FAM110B: variants seen among roughly 807,000 people sequenced by gnomAD.
The protein encoded by FAM110B is family with sequence similarity 110 member B.
A neutral mutation model predicts 20.4 loss-of-function variants in FAM110B; 6 were observed. The ratio of observed to expected loss-of-function variants is 0.29; its 90% CI spans 0.16 to 0.58. The LOEUF (loss-of-function observed/expected upper bound fraction) is 0.58, where lower values mean the gene tolerates loss of function less well. Among genes scored for constraint, FAM110B ranks in the 20% least tolerant of loss-of-function variants. The pLI is 0.90. For missense variants in FAM110B, 434 were observed against 498.2 expected (o/e 0.87, Z 1.23); for synonymous variants, 226 against 214.1 (o/e 1.06, Z -0.49).
At position 58,026,492 on chromosome 8, in the gene FAM110B, C is replaced by T. The variant is rs187288337; in HGVS notation, c.-511-5114C>T. 1.0e-3 allele frequency among the ~76,000 whole-genome samples: 155 copies of T among 152,042 alleles called. 1 individual carries two copies. Among genetic ancestry groups the T allele is most frequent in the Non-Finnish European group, 4.1e-4 (28 of 67,996 alleles). ...TGTTCTAGCTTAGCACATTTGGAAT[C>T]GTGATTCTATTGTATATCATTTTAG... On this transcript the variant is annotated intron_variant, in intron 1 of 3. Coordinates refer to ENST00000519262, the MANE Select transcript of FAM110B (RefSeq NM_001377989.1).
At chr8:58,137,378 G>T (rs1377283957) in intron 3 of FAM110B, among the ~76,000 whole-genome samples, 1 of 152,138 alleles carries the variant, frequency 6.6e-6, no homozygotes, top group Admixed American at 6.5e-5. Context: ...TGGCCAACAT[G>T]GTAAAACCCC....
chr8:58,070,372 G>A (rs1288297709), intron 2 of FAM110B: 1 of 152,210 alleles, frequency 6.6e-6, no homozygotes, highest in African/African-American at 2.4e-5. Context: ...GGTCAGTGAA[G>A]GAGGCTCAGT....
At chr8:58,006,151 T>G (rs146601096) in intron 1 of FAM110B, among the ~76,000 whole-genome samples, 1 of 152,374 alleles carries the variant, frequency 6.6e-6, no homozygotes, top group African/African-American at 2.4e-5. Context: ...AGTTTATGGT[T>G]GAAATAGTTG....
At chr8:58,052,952 A>G (rs1585845048) in intron 2 of FAM110B, among the ~76,000 whole-genome samples, 1 of 147,960 alleles carries the variant, frequency 6.8e-6, no homozygotes, top group East Asian at 2.0e-4. Flanking sequence ...CGCCCGGCTA[A>G]TTTTTTGTAT....
intron 1 of FAM110B, among the ~76,000 whole-genome samples, chr8:58,017,523 T>C (rs1804663991): frequency 6.6e-6 from 1 of 152,208 alleles, no homozygotes; most frequent in Non-Finnish European, 1.5e-5. Flanking sequence ...TGCTCTCAAC[T>C]TGAACTTGAC....
At chr8:58,083,864 A>C (rs577701894) in intron 3 of FAM110B, among the ~76,000 whole-genome samples, 114 of 152,302 alleles carry the variant, frequency 7.5e-4, no homozygotes, top group Non-Finnish European at 1.5e-3. Context: ...AAATCATCCT[A>C]AGAAGAACAG....
intron 3 of FAM110B, among the ~76,000 whole-genome samples, chr8:58,102,592 A>T (rs1806804518): frequency 6.6e-6 from 1 of 152,174 alleles, no homozygotes; most frequent in Admixed American, 6.5e-5. Context: ...TGTTGCGTAA[A>T]TGAATTGATT....
intron 3 of FAM110B, among the ~76,000 whole-genome samples, chr8:58,142,091 A>G (rs1460294735): frequency 2.0e-5 from 3 of 152,338 alleles, no homozygotes; most frequent in Middle Eastern, 6.8e-3. Context: ...GAAGTTAGAA[A>G]GGTTCAGGCC....
chr8:58,080,080 T>G (rs1162275286), intron 3 of FAM110B, among the ~76,000 whole-genome samples: 3 of 152,204 alleles, frequency 2.0e-5, no homozygotes, highest in Non-Finnish European at 4.4e-5. Flanking sequence ...ATATGTAATA[T>G]GGGTATCAGA....
Position 58,146,043 on chromosome 8 carries a change from A to G in FAM110B, c.-188A>G. 1.7e-6 allele frequency: 1 copy of G among 598,112 alleles called. No homozygotes were observed. Among genetic ancestry groups the G allele is most frequent in the Non-Finnish European group, 2.8e-6 (1 of 354,730 alleles). The allele number at this position is 598,112 out of a possible 1,614,324, so 37.1% of individuals were successfully genotyped here. On this transcript the variant is annotated 5_prime_UTR_variant, in exon 4 of 4. Coordinates refer to ENST00000519262, the MANE Select transcript of FAM110B (RefSeq NM_001377989.1). The stretch of plus-strand genomic sequence containing the variant: ...GCAAGGGCCGCCTGGAAGGGGAGAA[A>G]AGTGTATGAAAGCCACCGTGGCGGT...
intron 3 of FAM110B, among the ~76,000 whole-genome samples, chr8:58,076,905 AAT>A (rs1806049944): frequency 6.6e-6 from 1 of 152,140 alleles, no homozygotes; most frequent in Non-Finnish European, 1.5e-5. Context: ...TGTATTTTGT[AAT>A]TTATTATTAC....
At chr8:58,040,352 C>T (rs1335398952) in intron 2 of FAM110B, among the ~76,000 whole-genome samples, 9 of 152,150 alleles carry the variant, frequency 5.9e-5, no homozygotes, top group African/African-American at 1.7e-4. Flanking sequence ...AATATGCTTA[C>T]GAAGAGAAAC....
intron 3 of FAM110B, among the ~76,000 whole-genome samples, chr8:58,089,797 T>C (rs1806429285): frequency 6.6e-6 from 1 of 152,254 alleles, no homozygotes; most frequent in African/African-American, 2.4e-5. Context: ...AAGCATTTCA[T>C]GGAAGTAAAA....
At chr8:58,032,090 C>T (rs966468495) in intron 2 of FAM110B, 10 of 152,394 alleles carry the variant, frequency 6.6e-5, no homozygotes, top group African/African-American at 2.4e-4. Flanking sequence ...GATCTCGGCA[C>T]CTGCCCCACC....
At chr8:58,006,081 A>T (rs763928780) in intron 1 of FAM110B, among the ~76,000 whole-genome samples, 4 of 152,066 alleles carry the variant, frequency 2.6e-5, no homozygotes, top group Non-Finnish European at 4.4e-5. Flanking sequence ...ATTCAGGCAG[A>T]TCCTTATATC....
chr8:58,104,755 T>C (rs538751794), intron 3 of FAM110B, among the ~76,000 whole-genome samples: 1 of 152,186 alleles, frequency 6.6e-6, no homozygotes, highest in Non-Finnish European at 1.5e-5. Context: ...GGTACATTGC[T>C]TCAAGTACTA....
chr8:58,074,502 G>A (rs1805984862), intron 2 of FAM110B, among the ~76,000 whole-genome samples: 1 of 152,196 alleles, frequency 6.6e-6, no homozygotes, highest in Admixed American at 6.5e-5. Context: ...CTCTAATGGA[G>A]CCACCTCAGT....
rs141675732 is a variant in FAM110B at position 58,088,739 on chromosome 8, A to G, written c.-325+13116A>G. The stretch of plus-strand genomic sequence containing the variant: ...AAGAGGGTGGAGGAGTTCTAACTGC[A>G]TTCCAAGACCAAGTGATATTCTGTC... On this transcript the variant is annotated intron_variant, in intron 3 of 3. Transcript: ENST00000519262. Among the ~76,000 whole-genome samples the G allele has an allele frequency of 3.3e-3, 502 of 152,302 alleles. 1 individual carries two copies. Among genetic ancestry groups the G allele is most frequent in the Non-Finnish European group, 5.4e-3 (365 of 68,018 alleles).
intron 3 of FAM110B, among the ~76,000 whole-genome samples, chr8:58,120,397 C>T (rs2150626493): frequency 6.6e-6 from 1 of 152,218 alleles, no homozygotes; most frequent in South Asian, 2.1e-4. Flanking sequence ...TGATCCAGCC[C>T]CTCTCATCTG....
Sources: allele counts gnomAD v4.1 joint callset (sites outside exome capture counted in the v4.1 genomes callset), GRCh38; gene constraint gnomAD v4.1.1; transcripts MANE v1.5; gene names NCBI Gene and HGNC (gene_info 2026-07-23, HGNC 2026-07-21).